Variants in PDSS2 observed in about 807,000 individuals in gnomAD.
PDSS2 encodes the protein decaprenyl diphosphate synthase subunit 2, also known as all trans-polyprenyl-diphosphate synthase PDSS2.
A neutral mutation model predicts 44.5 loss-of-function variants in PDSS2; 31 were observed. The observed-to-expected ratio is 0.70, with a 90% CI of 0.52 to 0.94. The LOEUF (loss-of-function observed/expected upper bound fraction) is 0.94. Among genes scored for constraint, PDSS2 ranks in the 40% least tolerant of loss-of-function variants. The probability of loss-of-function intolerance (pLI) is 0.00; values close to 1 mark genes in which losing one functional copy is unlikely to be tolerated. For synonymous variants in PDSS2, 157 were observed against 180.3 expected, an observed-to-expected ratio of 0.87 and a Z score of 1.03; for missense variants, 452 against 482.2, an observed-to-expected ratio of 0.94 and a Z score of 0.59.
intron 1 of PDSS2, among the ~76,000 whole-genome samples, chr6:107,367,973 A>C (rs553652074): frequency 2.0e-4 from 31 of 152,062 alleles, no homozygotes; most frequent in African/African-American, 6.3e-4. Context: ...ATATATTAAA[A>C]AACTATTGTA....
At chr6:107,457,504 TC>T (rs1257334448) in intron 1 of PDSS2, among the ~76,000 whole-genome samples, 1 of 152,214 alleles carries the variant, frequency 6.6e-6, no homozygotes, top group African/African-American at 2.4e-5. Context: ...TTCTTGTGGG[TC>T]TGTCCTGGGA....
chr6:107,390,947 G>A (rs1047953021), intron 1 of PDSS2, among the ~76,000 whole-genome samples: 1 of 150,376 alleles, frequency 6.6e-6, no homozygotes, highest in Non-Finnish European at 1.5e-5. Context: ...AATCTAACTG[G>A]ATTCTATCAT....
chr6:107,244,904 A>G (rs1293652822), intron 4 of PDSS2, among the ~76,000 whole-genome samples: 1 of 152,186 alleles, frequency 6.6e-6, no homozygotes, highest in Non-Finnish European at 1.5e-5. Flanking sequence ...TGGTCAATGA[A>G]GCAATTACTT....
intron 1 of PDSS2, among the ~76,000 whole-genome samples, chr6:107,367,891 T>C (rs945295733): frequency 6.8e-6 from 1 of 148,074 alleles, no homozygotes; most frequent in Non-Finnish European, 1.5e-5. Context: ...ATGTGGAAAA[T>C]ACTAAGGCAT....
At position 107,334,215 on chromosome 6, in the gene PDSS2, G is replaced by A; in HGVS notation, c.414C>T (p.Val138=). Residue 138 remains valine (V), a synonymous_variant, in exon 2 of 8, where the codon GTC becomes GTT. Coordinates refer to ENST00000369037, the MANE Select transcript of PDSS2 (RefSeq NM_020381.4). ...CTTCTTACCATGAGTAGATCCCACT[G>A]ACCATGTCATAGTTCTGACATGAAG... The part of the protein sequence containing the change: ...VNTSCQNYDM[V]SGIYSCQRSL... 1 of 1,613,616 alleles carries A rather than the reference G, an allele frequency of 6.2e-7. No individual in the cohort carries two copies. Among genetic ancestry groups the A allele is most frequent in the Non-Finnish European group, 8.5e-7 (1 of 1,179,734 alleles).
chr6:107,353,520 T>C (rs1394421644), intron 1 of PDSS2, among the ~76,000 whole-genome samples: 1 of 152,090 alleles, frequency 6.6e-6, no homozygotes, highest in African/African-American at 2.4e-5. Flanking sequence ...TGGTAAGCCA[T>C]TGGAACTACA....
intron 3 of PDSS2, among the ~76,000 whole-genome samples, chr6:107,252,157 CA>C (rs1774842848): frequency 6.6e-6 from 1 of 152,106 alleles, no homozygotes; most frequent in African/African-American, 2.4e-5. Flanking sequence ...ACGAACTACC[CA>C]GATGAGCCCT....
chr6:107,197,700 G>A, intron 6 of PDSS2: 2 of 384,056 alleles, frequency 5.2e-6, no homozygotes, highest in South Asian at 2.0e-5. Flanking sequence ...GGGAGTCCTA[G>A]AGAATTGTTC....
chr6:107,324,127 G>T (rs564235607), intron 2 of PDSS2, among the ~76,000 whole-genome samples: 2 of 152,178 alleles, frequency 1.3e-5, no homozygotes, highest in African/African-American at 4.8e-5. Flanking sequence ...TGCATGCTGT[G>T]CAAGTTGAAC....
At chr6:107,264,226 A>T in intron 3 of PDSS2, 1 of 1,235,572 alleles carries the variant, frequency 8.1e-7, no homozygotes, top group Non-Finnish European at 1.0e-6. Flanking sequence ...GATGGTGTAA[A>T]GGGAGATTTA....
chr6:107,368,766 C>T (rs1181038887), intron 1 of PDSS2, among the ~76,000 whole-genome samples: 2 of 151,918 alleles, frequency 1.3e-5, no homozygotes, highest in Non-Finnish European at 1.5e-5. Context: ...CATGTCACTG[C>T]AACTCCAGCC....
Position 107,155,883 on chromosome 6 carries a change from T to A in PDSS2, c.1042-1106A>T, listed in dbSNP as rs1469036748. 9.0e-4 allele frequency among the ~76,000 whole-genome samples: 107 copies of A among 118,760 alleles called. 1 individual carries two copies. Among genetic ancestry groups the A allele is most frequent in the African/African-American group, 3.9e-3 (106 of 26,864 alleles). 77.9% of individuals were successfully genotyped at this position (118,760 alleles called of 152,430 possible). A position where few individuals can be genotyped will look rare whatever the true frequency, so the allele number is the denominator to read the frequency against. ...ATGAGCCACCTTGCCCGGCCTTTTT[T>A]TTTTTTTTTTTTTTTTTTTTTTTTG... is the stretch of plus-strand genomic sequence containing the variant. On this transcript the variant is annotated intron_variant, in intron 7 of 7. Transcript: ENST00000369037.
intron 1 of PDSS2, among the ~76,000 whole-genome samples, chr6:107,349,405 C>G (rs888845033): frequency 1.3e-5 from 2 of 151,394 alleles, no homozygotes. Flanking sequence ...TGCACTCCAG[C>G]CTGGGCGACA....
chr6:107,417,101 A>C (rs1220017699), intron 1 of PDSS2, among the ~76,000 whole-genome samples: 1 of 152,114 alleles, frequency 6.6e-6, no homozygotes, highest in East Asian at 1.9e-4. Flanking sequence ...TTTTTTAAAG[A>C]AGCACTTACA....
intron 7 of PDSS2, among the ~76,000 whole-genome samples, chr6:107,193,040 T>C (rs1358824559): frequency 2.0e-5 from 3 of 152,212 alleles, no homozygotes; most frequent in South Asian, 2.1e-4. Flanking sequence ...GGTTGACATG[T>C]TCTTTTAGCC....
chr6:107,263,547 C>T (rs1294498595), intron 3 of PDSS2, among the ~76,000 whole-genome samples: 1 of 152,152 alleles, frequency 6.6e-6, no homozygotes, highest in African/African-American at 2.4e-5. Context: ...GTTTGATACT[C>T]AGAGAAATGT....
intron 7 of PDSS2, among the ~76,000 whole-genome samples, chr6:107,161,689 A>AGAGTTGCAGAGTTGCC: frequency 6.6e-6 from 1 of 152,286 alleles, no homozygotes; most frequent in East Asian, 1.9e-4. Context: ...GCAGAGTTGC[A>AGAGTTGCAGAGTTGCC]GAGTTGCAGA....
chr6:107,178,960 A>T (rs1228001704), intron 7 of PDSS2, among the ~76,000 whole-genome samples: 1 of 152,324 alleles, frequency 6.6e-6, no homozygotes, highest in East Asian at 1.9e-4. Flanking sequence ...AGGTTATTTG[A>T]GCTCTTCTCT....
intron 2 of PDSS2, among the ~76,000 whole-genome samples, chr6:107,294,940 T>A (rs1776461229): frequency 6.6e-6 from 1 of 151,940 alleles, no homozygotes; most frequent in Non-Finnish European, 1.5e-5. Context: ...TCTTTTTTTC[T>A]TTTTTTTGAG....
Sources: allele counts gnomAD v4.1 joint callset (sites outside exome capture counted in the v4.1 genomes callset), GRCh38; gene constraint gnomAD v4.1.1; transcripts MANE v1.5; gene names NCBI Gene and HGNC (gene_info 2026-07-23, HGNC 2026-07-21).